STK24: variants seen among roughly 807,000 people sequenced by gnomAD.
STK24 encodes the protein serine/threonine kinase 24.
STK24 carries 21 observed loss-of-function variants against 55.6 expected under a neutral mutation model. The ratio of observed to expected loss-of-function variants is 0.38; its 90% CI spans 0.27 to 0.54. STK24 has a LOEUF of 0.54. Among genes scored for constraint, STK24 ranks in the 20% least tolerant of loss-of-function variants. The pLI, the probability that STK24 is intolerant of heterozygous loss-of-function variation, is 0.79. For missense variants in STK24, 383 were observed against 538.4 expected (o/e 0.71, Z 2.86); for synonymous variants, 200 against 215.2 (o/e 0.93, Z 0.62).
chr13:98,550,644 A>G (rs1471399026), intron 1 of STK24, among the ~76,000 whole-genome samples: 3 of 152,224 alleles, frequency 2.0e-5, no homozygotes, highest in Non-Finnish European at 2.9e-5. Context: ...TAATACTTAT[A>G]CTGGTGGTCC....
intron 9 of STK24, among the ~76,000 whole-genome samples, chr13:98,457,890 G>A (rs147980252): frequency 2.6e-5 from 4 of 152,206 alleles, no homozygotes; most frequent in Non-Finnish European, 4.4e-5. Flanking sequence ...AGCTCTCTGT[G>A]TGCCTTTCCC....
chr13:98,448,306 C>G lies in STK24; in HGVS notation c.*4867G>C, dbSNP rs761515895. ...CCACGTGTTGAGTCACAAAGAGTCTCTTGTGTATTGATGGCCGGACACACT... is the reference window on the plus strand; with the variant it reads ...CCACGTGTTGAGTCACAAAGAGTCTGTTGTGTATTGATGGCCGGACACACT... On this transcript the variant is annotated 3_prime_UTR_variant, in exon 11 of 11. Transcript: ENST00000539966. 1.4e-5 allele frequency: 22 copies of G among 1,612,938 alleles called. No individual in the cohort carries two copies. Among genetic ancestry groups the G allele is most frequent in the Non-Finnish European group, 1.8e-5 (21 of 1,178,888 alleles).
chr13:98,484,812 C>T (rs931733267), intron 2 of STK24, among the ~76,000 whole-genome samples: 4 of 152,182 alleles, frequency 2.6e-5, no homozygotes, highest in Admixed American at 6.5e-5. Context: ...GAGCAAACCC[C>T]GCCTCAGGAC....
intron 2 of STK24, among the ~76,000 whole-genome samples, chr13:98,494,435 C>T (rs1032943424): frequency 2.3e-5 from 2 of 87,360 alleles, no homozygotes; most frequent in African/African-American, 7.4e-5. Flanking sequence ...AAAAGTGCCT[C>T]TAACAGTATT....
chr13:98,453,079 G>T lies in STK24; in HGVS notation c.*94C>A. ...GTGGCTCCCAGTGGCGCACCTCTTC[G>T]GTGGAGTCAGCGAAGGCTCTCGTTG... On this transcript the variant is annotated 3_prime_UTR_variant, in exon 11 of 11. Coordinates refer to ENST00000539966, the MANE Select transcript of STK24 (RefSeq NM_001032296.4). The T allele has an allele frequency of 2.1e-6, 3 of 1,462,752 alleles. No individual in the cohort carries two copies. The highest frequency in any genetic ancestry group is 2.8e-6 in the Non-Finnish European group (3 of 1,056,502). 90.6% of individuals were successfully genotyped at this position (1,462,752 alleles called of 1,614,324 possible). A position where few individuals can be genotyped will look rare whatever the true frequency, so the allele number is the denominator to read the frequency against.
chr13:98,465,369 C>G (rs112675017), intron 6 of STK24, among the ~76,000 whole-genome samples: 5,628 of 152,322 alleles, frequency 0.037, 324 homozygotes, highest in African/African-American at 0.12. Context: ...GGGTGGAGCT[C>G]TGTGTGCTGG....
chr13:98,480,794 G>T (rs760434979), intron 3 of STK24, among the ~76,000 whole-genome samples: 1 of 152,140 alleles, frequency 6.6e-6, no homozygotes, highest in Non-Finnish European at 1.5e-5. Context: ...TTGCTATGTG[G>T]CCCAGGCCAG....
At position 98,448,804 on chromosome 13, in the gene STK24, A is replaced by ATTTTAT. The variant is rs1555298962; in HGVS notation, c.*4368_*4369insATAAAA. The ATTTTAT allele has an allele frequency of 2.9e-4, 23 of 80,160 alleles. No individual in the cohort carries two copies. The highest frequency in any genetic ancestry group is 4.4e-4 in the Non-Finnish European group (12 of 27,248). 5.0% of individuals were successfully genotyped at this position (80,160 alleles called of 1,614,324 possible). A position where few individuals can be genotyped will look rare whatever the true frequency, so the allele number is the denominator to read the frequency against. On this transcript the variant is annotated 3_prime_UTR_variant, in exon 11 of 11. Transcript: ENST00000539966. ...GCAAATGAGATCATTTTCAGATTTC[A>ATTTTAT]TTTTTTTTTTCAGTCTTTCTACTTT...
In STK24 at chr13:98,475,346, G is replaced by A; in HGVS notation, c.343C>T (p.Pro115Ser). The A allele has an allele frequency of 1.2e-6, 2 of 1,605,334 alleles. No individual in the cohort carries two copies. Among genetic ancestry groups the A allele is most frequent in the African/African-American group, 1.3e-5 (1 of 74,530 alleles). Residue 115 changes from proline to serine, a missense_variant, in exon 4 of 11, where the codon CCA becomes TCA. By Grantham distance (74) the Pro-to-Ser change is moderately conservative (BLOSUM62 -1). Coordinates refer to ENST00000539966, the MANE Select transcript of STK24 (RefSeq NM_001032296.4). ...GSALDLLEPG[P>S]LDETQIATIL... ...GTAGCGATCTGGGTTTCATCTAATG[G>A]GCCAGGTTCTAACTAAGAAGAGAAA...
At chr13:98,502,486 A>C (rs1399488350) in intron 2 of STK24, among the ~76,000 whole-genome samples, 30 of 152,224 alleles carry the variant, frequency 2.0e-4, no homozygotes, top group Admixed American at 2.0e-3. Flanking sequence ...TTGGAAACTT[A>C]ATCTCCAATG....
At chr13:98,512,167 C>T (rs1312190171) in intron 2 of STK24, among the ~76,000 whole-genome samples, 4 of 152,022 alleles carry the variant, frequency 2.6e-5, no homozygotes, top group African/African-American at 7.3e-5. Flanking sequence ...GGATTACAGG[C>T]GTGAGCCACT....
chr13:98,549,958 G>A (rs772737113), intron 1 of STK24, among the ~76,000 whole-genome samples: 3 of 152,210 alleles, frequency 2.0e-5, no homozygotes, highest in Non-Finnish European at 2.9e-5. Context: ...TATGCCTGGT[G>A]TAACCTCACA....
chr13:98,542,299 T>C (rs1896910550), intron 1 of STK24, among the ~76,000 whole-genome samples: 1 of 152,156 alleles, frequency 6.6e-6, no homozygotes, highest in Non-Finnish European at 1.5e-5. Context: ...TAAATATTGC[T>C]GAGTAGGGAC....
At position 98,546,845 on chromosome 13, in the gene STK24, T is replaced by C. The variant is rs140053423; in HGVS notation, c.43-27372A>G. ...CATGTGGACTCCAGTTACTCACACC[T>C]GAATCTCTGAGGCCCTGAACATCTG... is the stretch of plus-strand genomic sequence containing the variant. On this transcript the variant is annotated intron_variant, in intron 1 of 10. Coordinates refer to ENST00000539966, the MANE Select transcript of STK24 (RefSeq NM_001032296.4). Among the ~76,000 whole-genome samples, 438 of 152,324 alleles carry C rather than the reference T, an allele frequency of 2.9e-3. 3 individuals carry two copies. The highest frequency in any genetic ancestry group is 4.2e-3 in the Non-Finnish European group (288 of 68,032).
chr13:98,543,774 C>T (rs1050121409), intron 1 of STK24, among the ~76,000 whole-genome samples: 6 of 152,160 alleles, frequency 3.9e-5, no homozygotes, highest in Non-Finnish European at 7.4e-5. Context: ...CCTGCAGATG[C>T]GGTGCCGGTC....
At chr13:98,524,837 T>C (rs545605875) in intron 1 of STK24, among the ~76,000 whole-genome samples, 14 of 152,326 alleles carry the variant, frequency 9.2e-5, no homozygotes, top group Admixed American at 7.8e-4. Flanking sequence ...TTTCACTCTT[T>C]TACTATTGTC....
intron 1 of STK24, among the ~76,000 whole-genome samples, chr13:98,546,241 C>T (rs569508409): frequency 6.6e-6 from 1 of 152,310 alleles, no homozygotes; most frequent in East Asian, 1.9e-4. Flanking sequence ...CACTAGCACA[C>T]AGCATGGCAC....
At chr13:98,514,099 C>T (rs1473952462) in intron 2 of STK24, among the ~76,000 whole-genome samples, 1 of 152,202 alleles carries the variant, frequency 6.6e-6, no homozygotes, top group Non-Finnish European at 1.5e-5. Context: ...GGCTGAGAAT[C>T]ACGGTGTTTT....
intron 1 of STK24, among the ~76,000 whole-genome samples, chr13:98,532,593 G>C (rs1324492996): frequency 3.9e-5 from 6 of 152,136 alleles, no homozygotes; most frequent in Non-Finnish European, 8.8e-5. Context: ...GAACTAGTTG[G>C]TTAATCTAAG....
Sources: allele counts gnomAD v4.1 joint callset (sites outside exome capture counted in the v4.1 genomes callset), GRCh38; gene constraint gnomAD v4.1.1; transcripts MANE v1.5; gene names NCBI Gene and HGNC (gene_info 2026-07-23, HGNC 2026-07-21).